The following CFAP70 variants were observed in gnomAD, a reference collection of about 807,000 sequenced individuals.
CFAP70 encodes the protein cilia and flagella associated protein 70.
CFAP70 carries 81 observed loss-of-function variants against 137.6 expected under a neutral mutation model. The ratio of observed to expected loss-of-function variants is 0.59; its 90% CI spans 0.49 to 0.71. The LOEUF is 0.71. CFAP70 is among the 30% of genes least tolerant of loss of function. The pLI, the probability that CFAP70 is intolerant of heterozygous loss-of-function variation, is 0.00. For missense variants in CFAP70, 976 were observed against 1,226.7 expected (o/e 0.80, Z 3.05); for synonymous variants, 382 against 423.6 (o/e 0.90, Z 1.20).
chr10:73,309,902 C>G (rs890655883), intron 12 of CFAP70, among the ~76,000 whole-genome samples: 4 of 152,094 alleles, frequency 2.6e-5, no homozygotes, highest in East Asian at 1.9e-4. Context: ...GGCAATCCCC[C>G]CCACCTTGGC....
chr10:73,284,287 CT>C (rs145312982), intron 19 of CFAP70, among the ~76,000 whole-genome samples: 4,383 of 151,478 alleles, frequency 0.029, 143 homozygotes, highest in African/African-American at 0.081. Flanking sequence ...ATCACATTGT[CT>C]TTTTTTTTGT....
upstream of CFAP70, among the ~76,000 whole-genome samples, chr10:73,362,353 T>G (rs898597307): frequency 6.6e-6 from 1 of 152,194 alleles, no homozygotes; most frequent in Non-Finnish European, 1.5e-5. Context: ...TGATAGAGAT[T>G]GTGTTGAATC....
chr10:73,345,043 A>G, intron 5 of CFAP70, 22 bp downstream of exon 6: 1 of 1,609,440 alleles, frequency 6.2e-7, no homozygotes, highest in East Asian at 2.2e-5. Context: ...ATCTCTATAA[A>G]TATCTGGCAG....
chr10:73,293,427 C>G, intron 15 of CFAP70, 39 bp from the exon 17 acceptor site: 1 of 1,532,386 alleles, frequency 6.5e-7, no homozygotes, highest in Non-Finnish European at 8.8e-7. Context: ...AAAAATGAAA[C>G]AATTACAAGT....
chr10:73,310,969 C>T (rs537520196), intron 11 of CFAP70, among the ~76,000 whole-genome samples: 2 of 152,266 alleles, frequency 1.3e-5, no homozygotes, highest in African/African-American at 2.4e-5. Flanking sequence ...CCCTACCCCA[C>T]CTTCAATCTC....
intron 8 of CFAP70, among the ~76,000 whole-genome samples, chr10:73,330,387 T>C (rs1253644540): frequency 6.6e-6 from 1 of 150,474 alleles, no homozygotes; most frequent in East Asian, 2.0e-4. Flanking sequence ...GAGGCAGAGG[T>C]TGCAGTGAGC....
intron 7 of CFAP70, among the ~76,000 whole-genome samples, chr10:73,334,813 C>T (rs1335444240): frequency 6.6e-6 from 1 of 151,066 alleles, no homozygotes; most frequent in Non-Finnish European, 1.5e-5. Context: ...CTCTTGACCT[C>T]ATGATCCACC....
At chr10:73,255,878 G>C (rs2133487739) in intron 26 of CFAP70, among the ~76,000 whole-genome samples, 1 of 152,120 alleles carries the variant, frequency 6.6e-6, no homozygotes, top group Admixed American at 6.5e-5. Flanking sequence ...AATTGTATTG[G>C]AACACAGCCA....
At chr10:73,289,202 T>A (rs1746689254) in intron 19 of CFAP70, among the ~76,000 whole-genome samples, 1 of 152,138 alleles carries the variant, frequency 6.6e-6, no homozygotes, top group South Asian at 2.1e-4. Context: ...GAACATCAAC[T>A]GAAAAAGAGC....
chr10:73,323,655 T>C (rs2051102221), intron 8 of CFAP70, among the ~76,000 whole-genome samples: 1 of 152,196 alleles, frequency 6.6e-6, no homozygotes. Flanking sequence ...GCTTAAAAAA[T>C]GGCACACCAA....
At chr10:73,291,558 T>G (rs2048183274) in intron 18 of CFAP70, 82 bp downstream of exon 19, 3 of 1,480,656 alleles carry the variant, frequency 2.0e-6, no homozygotes, top group Non-Finnish European at 2.8e-6. Flanking sequence ...AACTACATGA[T>G]GAGCCATTGA....
rs199993746 is a variant in CFAP70, at chr10:73,341,628, G to C, written c.400-47C>G. ...GTCAGGAAAATTTGTAAAGGACTTT[G>C]AAATGGACAAGAAGATTATTCAAGT... On this transcript the variant is annotated intron_variant, in intron 5 of 26. Coordinates refer to ENST00000310715, the Ensembl canonical transcript of CFAP70. The C allele has an allele frequency of 1.7e-5, 25 of 1,492,676 alleles. No homozygotes were observed. In the Admixed American group the frequency reaches 3.3e-4, roughly 20 times the overall value. The allele number at this position is 1,492,676 out of a possible 1,614,324, so 92.5% of individuals were successfully genotyped here. A position where few individuals can be genotyped will look rare whatever the true frequency, so the allele number is the denominator to read the frequency against.
chr10:73,340,429 C>T (rs1380402659), intron 6 of CFAP70, among the ~76,000 whole-genome samples: 1 of 152,188 alleles, frequency 6.6e-6, no homozygotes, highest in Non-Finnish European at 1.5e-5. Flanking sequence ...ATGGGTGGGG[C>T]CAGAAAAGTA....
chr10:73,342,977 G>A (rs935082968), intron 5 of CFAP70, among the ~76,000 whole-genome samples: 13 of 152,054 alleles, frequency 8.5e-5, no homozygotes, highest in South Asian at 2.1e-4. Flanking sequence ...TTGGGAGGCC[G>A]AGGTGGGCGG....
chr10:73,295,799 T>G (rs996005416), intron 15 of CFAP70: 1 of 152,136 alleles, frequency 6.6e-6, no homozygotes, highest in Admixed American at 6.5e-5. Flanking sequence ...AGCTCTCTTC[T>G]CTCTTATGTT....
chr10:73,255,718 T>C (rs1298198769), intron 26 of CFAP70, among the ~76,000 whole-genome samples: 5 of 152,046 alleles, frequency 3.3e-5, no homozygotes, highest in Non-Finnish European at 5.9e-5. Context: ...CTAATTTTTT[T>C]GTATTTTTAG....
chr10:73,310,984 T>C (rs556355555), intron 11 of CFAP70, among the ~76,000 whole-genome samples: 9 of 152,318 alleles, frequency 5.9e-5, no homozygotes, highest in African/African-American at 2.2e-4. Flanking sequence ...AATCTCTTTT[T>C]TTCATACCCT....
At chr10:73,361,786 A>G (rs2055019538), upstream of CFAP70, among the ~76,000 whole-genome samples, 2 of 152,170 alleles carry the variant, frequency 1.3e-5, no homozygotes, top group African/African-American at 4.8e-5. Flanking sequence ...CAATAATACA[A>G]TCAAATGTAT....
At chr10:73,273,638 C>G (rs1456309485) in intron 23 of CFAP70, among the ~76,000 whole-genome samples, 1 of 152,200 alleles carries the variant, frequency 6.6e-6, no homozygotes, top group Non-Finnish European at 1.5e-5. Context: ...CTTTCAATGA[C>G]ATCAGAAAGA....
Sources: gnomAD v4.1 joint callset for allele counts (sites outside exome capture counted in the v4.1 genomes callset) on GRCh38, gnomAD v4.1.1 for gene constraint, MANE v1.5 for transcripts, NCBI Gene and HGNC (gene_info 2026-07-23, HGNC 2026-07-21) for gene names.